Variants in PALLD observed in about 807,000 individuals in gnomAD.
PALLD encodes palladin.
A neutral mutation model predicts 123.5 loss-of-function variants in PALLD; 61 were observed. The observed-to-expected ratio is 0.49, with a 90% CI of 0.40 to 0.61. The LOEUF (loss-of-function observed/expected upper bound fraction) is 0.61. Among genes scored for constraint, PALLD ranks in the 20% least tolerant of loss-of-function variants. The pLI, the probability that PALLD is intolerant of heterozygous loss-of-function variation, is 0.00. For missense variants in PALLD, 1,273 were observed against 1,377.0 expected (o/e 0.92, Z 1.20); for synonymous variants, 465 against 496.4 (o/e 0.94, Z 0.84).
chr4:168,712,441 C>A (rs991286181), intron 10 of PALLD, among the ~76,000 whole-genome samples: 9 of 152,142 alleles, frequency 5.9e-5, no homozygotes, highest in African/African-American at 2.2e-4. Flanking sequence ...AAGAAGAGCG[C>A]CCTTCACAAC....
intron 2 of PALLD, among the ~76,000 whole-genome samples, chr4:168,595,795 T>G (rs1771916852): frequency 6.6e-6 from 1 of 152,012 alleles, no homozygotes; most frequent in Non-Finnish European, 1.5e-5. Flanking sequence ...AATGCCAGGG[T>G]GAGGGTAGAA....
chr4:168,877,922 G>A lies in PALLD; in HGVS notation c.1965-13000G>A. ...CGCGCTGGCCTCCCGCTCCGCCCCC[G>A]CCATGCAGTCCTCCGGCTCCTTCAA... On this transcript the variant is annotated intron_variant, in intron 10 of 21. Coordinates refer to ENST00000505667, the MANE Select transcript of PALLD (RefSeq NM_001166108.2). The A allele has an allele frequency of 6.7e-7, 1 of 1,487,604 alleles. No homozygotes were observed. The highest frequency in any genetic ancestry group is 8.9e-7 in the Non-Finnish European group (1 of 1,123,818). 92.2% of individuals were successfully genotyped at this position (1,487,604 alleles called of 1,614,324 possible). A position where few individuals can be genotyped will look rare whatever the true frequency, so the allele number is the denominator to read the frequency against.
At chr4:168,631,732 G>A in intron 2 of PALLD, 1 of 985,512 alleles carries the variant, frequency 1.0e-6, no homozygotes, top group Non-Finnish European at 1.2e-6. Context: ...AGCAGGCAAG[G>A]GGCCGGCCTT....
intron 10 of PALLD, among the ~76,000 whole-genome samples, chr4:168,852,809 T>G (rs62332978): frequency 2.6e-5 from 4 of 151,436 alleles, no homozygotes; most frequent in Admixed American, 6.6e-5. Context: ...CTACAATTTC[T>G]CTTAATTCCC....
At position 168,889,137 on chromosome 4, in the gene PALLD, T is replaced by TG. The variant is rs1186192550; in HGVS notation, c.1965-1785_1965-1784insG. Among the ~76,000 whole-genome samples the TG allele has an allele frequency of 8.5e-5, 11 of 128,992 alleles. No homozygotes were observed. In the East Asian group the frequency reaches 8.7e-4, roughly 10 times the overall value. The allele number at this position is 128,992 out of a possible 152,430, so 84.6% of individuals were successfully genotyped here. A position where few individuals can be genotyped will look rare whatever the true frequency, so the allele number is the denominator to read the frequency against. On this transcript the variant is annotated intron_variant, in intron 10 of 21. Coordinates refer to ENST00000505667, the MANE Select transcript of PALLD (RefSeq NM_001166108.2). ...GTAAAGTTTTGTTTGTTTGCTTTAT[T>TG]TTGTGTGTGTGTGTGTGTGTGTGTG... is the stretch of plus-strand genomic sequence containing the variant.
intron 9 of PALLD, among the ~76,000 whole-genome samples, chr4:168,711,222 C>T (rs1035609862): frequency 3.9e-5 from 6 of 152,224 alleles, no homozygotes; most frequent in Admixed American, 2.6e-4. Flanking sequence ...GATGTTCAGT[C>T]GGACCCATGG....
At chr4:168,815,860 T>C (rs1019498026) in intron 10 of PALLD, among the ~76,000 whole-genome samples, 2 of 152,234 alleles carry the variant, frequency 1.3e-5, no homozygotes, top group Admixed American at 6.5e-5. Flanking sequence ...AGAACAAGTA[T>C]TGGGAACAAA....
intron 10 of PALLD, among the ~76,000 whole-genome samples, chr4:168,859,930 A>G (rs1749194121): frequency 6.6e-6 from 1 of 152,372 alleles, no homozygotes; most frequent in East Asian, 1.9e-4. Flanking sequence ...AAAAATTGTC[A>G]TAAGATCATT....
At chr4:168,645,736 C>A (rs1156695561) in intron 2 of PALLD, among the ~76,000 whole-genome samples, 2 of 152,140 alleles carry the variant, frequency 1.3e-5, no homozygotes, top group African/African-American at 4.8e-5. Flanking sequence ...TCTGTGACCT[C>A]TTGTAAGCTT....
chr4:168,621,820 G>C (rs964999953), intron 2 of PALLD, among the ~76,000 whole-genome samples: 1 of 152,126 alleles, frequency 6.6e-6, no homozygotes, highest in African/African-American at 2.4e-5. Flanking sequence ...ACCCACCTTT[G>C]CTTCTCAGAA....
intron 10 of PALLD, among the ~76,000 whole-genome samples, chr4:168,880,677 C>T (rs1560846528): frequency 6.6e-6 from 1 of 152,212 alleles, no homozygotes; most frequent in Non-Finnish European, 1.5e-5. Context: ...GCTGCCATGA[C>T]TTTGGCATCC....
intron 10 of PALLD, among the ~76,000 whole-genome samples, chr4:168,787,552 C>T (rs996934204): frequency 6.6e-6 from 1 of 152,198 alleles, no homozygotes; most frequent in African/African-American, 2.4e-5. Flanking sequence ...ACTGTAGCCA[C>T]ACTTCAATTG....
intron 2 of PALLD, among the ~76,000 whole-genome samples, chr4:168,613,658 G>A (rs551281998): frequency 6.6e-6 from 1 of 152,298 alleles, no homozygotes; most frequent in South Asian, 2.1e-4. Flanking sequence ...TTTGTGCAAT[G>A]AGCTCAGGAC....
chr4:168,669,800 G>GCGCA lies in PALLD; in HGVS notation c.1087+1433_1087+1434insGCAC, dbSNP rs1554060296. ...AATACTTACATGACACTTACAAAAT[G>GCGCA]CACACACACACACACACACACACAA... On this transcript the variant is annotated intron_variant, in intron 3 of 21. Transcript: ENST00000505667. 3.2e-4 allele frequency among the ~76,000 whole-genome samples: 47 copies of GCGCA among 148,024 alleles called. 1 individual carries two copies. In the South Asian group the frequency reaches 0.01, roughly 32 times the overall value.
At chr4:168,598,049 T>G (rs2149712027) in intron 2 of PALLD, among the ~76,000 whole-genome samples, 1 of 152,258 alleles carries the variant, frequency 6.6e-6, no homozygotes, top group East Asian at 1.9e-4. Flanking sequence ...AGAAAAAATG[T>G]ATATCCTTTT....
At chr4:168,596,252 T>C (rs959316363) in intron 2 of PALLD, among the ~76,000 whole-genome samples, 19 of 152,134 alleles carry the variant, frequency 1.2e-4, no homozygotes, top group Non-Finnish European at 7.4e-5. Flanking sequence ...CTATATATTA[T>C]ATTATACATA....
chr4:168,759,039 C>T (rs1014579557), intron 10 of PALLD, among the ~76,000 whole-genome samples: 2 of 150,724 alleles, frequency 1.3e-5, no homozygotes, highest in South Asian at 2.1e-4. Context: ...ATTAGCCAGG[C>T]GTGATAGCAG....
At chr4:168,724,307 T>A (rs1022800558) in intron 10 of PALLD, among the ~76,000 whole-genome samples, 1 of 152,218 alleles carries the variant, frequency 6.6e-6, no homozygotes, top group Admixed American at 6.5e-5. Context: ...AGGTTGACAA[T>A]TTTTTTACCA....
At chr4:168,873,847 C>T (rs114064320) in intron 10 of PALLD, among the ~76,000 whole-genome samples, 267 of 152,196 alleles carry the variant, frequency 1.8e-3, no homozygotes, top group African/African-American at 5.9e-3. Context: ...GTGCTAGGCA[C>T]GTGATAAGTG....
Sources: allele counts gnomAD v4.1 joint callset (sites outside exome capture counted in the v4.1 genomes callset), GRCh38; gene constraint gnomAD v4.1.1; transcripts MANE v1.5; gene names NCBI Gene and HGNC (gene_info 2026-07-23, HGNC 2026-07-21).